PDPR: variants seen among roughly 807,000 people sequenced by gnomAD.
The protein encoded by PDPR is pyruvate dehydrogenase phosphatase regulatory subunit.
Under a neutral mutation model 102.2 loss-of-function variants are expected in PDPR, and 50 were observed. The ratio of observed to expected loss-of-function variants is 0.49; its 90% confidence interval spans 0.39 to 0.62. PDPR has a LOEUF of 0.62. Among genes scored for constraint, PDPR ranks in the 20% least tolerant of loss-of-function variants. The pLI is 0.00. For missense variants in PDPR, 625 were observed against 1,098.2 expected (o/e 0.57, Z 6.09); for synonymous variants, 259 against 406.0 (o/e 0.64, Z 4.35).
chr16:70,127,844 C>T (rs1964131181), intron 4 of PDPR, among the ~76,000 whole-genome samples: 1 of 152,194 alleles, frequency 6.6e-6, no homozygotes. Flanking sequence ...GGAGCTTGGG[C>T]CTGTGGAGTT....
At chr16:70,119,531 TC>T (rs1206749905) in intron 2 of PDPR, among the ~76,000 whole-genome samples, 3 of 148,922 alleles carry the variant, frequency 2.0e-5, no homozygotes, top group African/African-American at 7.6e-5. Flanking sequence ...CTCCCCACAC[TC>T]CCCGTGTCGT....
At chr16:70,128,732 C>A in intron 4 of PDPR, 52 bp from the exon 5 acceptor site, 2 of 1,613,432 alleles carry the variant, frequency 1.2e-6, no homozygotes, top group Non-Finnish European at 1.7e-6. Context: ...TTTCCACTCT[C>A]CTGTCCTACA....
chr16:70,117,807 A>G (rs553920610), intron 2 of PDPR, among the ~76,000 whole-genome samples: 4 of 152,036 alleles, frequency 2.6e-5, no homozygotes, highest in Non-Finnish European at 5.9e-5. Flanking sequence ...TCAGAAAGTC[A>G]TTAAGGTGGG....
Position 70,145,565 on chromosome 16 carries a change from C to T in PDPR, c.1868-569C>T, listed in dbSNP as rs1227954084. 3.3e-5 allele frequency among the ~76,000 whole-genome samples: 5 copies of T among 152,250 alleles called. No homozygotes were observed. The South Asian group carries it at 6.2e-4, about 19-fold the overall frequency. On this transcript the variant is annotated intron_variant, in intron 15 of 18. Coordinates refer to ENST00000288050, the MANE Select transcript of PDPR (RefSeq NM_017990.5). ...CTTGGCCCCACCAGCGTTTGCTCTC[C>T]CAGGCTCTCATTCTCAATTCCTTGT...
At chr16:70,121,766 CTTT>C (rs1240965083) in intron 3 of PDPR, among the ~76,000 whole-genome samples, 4 of 146,590 alleles carry the variant, frequency 2.7e-5, no homozygotes, top group Non-Finnish European at 3.0e-5. Context: ...TTCTTATTCC[CTTT>C]TTTTTTTTTT....
chr16:70,116,361 G>A (rs1376286532), intron 2 of PDPR, among the ~76,000 whole-genome samples: 1 of 141,446 alleles, frequency 7.1e-6, no homozygotes, highest in East Asian at 2.1e-4. Flanking sequence ...ACAGGTGTGA[G>A]CCCCTGCGCC....
chr16:70,129,409 A>G (rs1471214923), intron 6 of PDPR, among the ~76,000 whole-genome samples: 2 of 152,396 alleles, frequency 1.3e-5, no homozygotes, highest in East Asian at 3.9e-4. Flanking sequence ...CAATGGCACA[A>G]TCTTGGCTCA....
At chr16:70,120,940 T>C (rs1164274946) in intron 3 of PDPR, among the ~76,000 whole-genome samples, 1 of 141,116 alleles carries the variant, frequency 7.1e-6, no homozygotes, top group Non-Finnish European at 1.5e-5. Flanking sequence ...CCTTTTTTTT[T>C]TTTTTTTTTT....
intron 10 of PDPR, among the ~76,000 whole-genome samples, chr16:70,137,343 G>A (rs753918822): frequency 1.2e-4 from 18 of 152,196 alleles, no homozygotes; most frequent in South Asian, 2.1e-4. Context: ...GCAACAGAGC[G>A]AGACTCTATC....
chr16:70,161,839 A>G lies in PDPR; in HGVS notation c.*4960A>G, dbSNP rs934459688. ...TTCATGAGCCATTTTTCTCATTCTTAGATGCACCTGTTTTTATCCTTTGCA... is the reference window on the plus strand; with the variant it reads ...TTCATGAGCCATTTTTCTCATTCTTGGATGCACCTGTTTTTATCCTTTGCA... On this transcript the variant is annotated 3_prime_UTR_variant, in exon 19 of 19. Transcript: ENST00000288050. 1.3e-5 allele frequency: 2 copies of G among 152,396 alleles called. No homozygotes were observed. The allele number at this position is 152,396 out of a possible 1,614,324, so 9.4% of individuals were successfully genotyped here. A position where few individuals can be genotyped will look rare whatever the true frequency, so the allele number is the denominator to read the frequency against.
intron 10 of PDPR, among the ~76,000 whole-genome samples, chr16:70,137,740 G>T (rs1398634733): frequency 6.6e-6 from 1 of 152,284 alleles, no homozygotes; most frequent in African/African-American, 2.4e-5. Flanking sequence ...AGTTACAGAA[G>T]AGGAGTTAGA....
intron 16 of PDPR, chr16:70,147,404 C>T (rs564539690): frequency 0.013 from 4,875 of 375,262 alleles, 42 homozygotes; most frequent in African/African-American, 0.098. Flanking sequence ...AAATGCCTTT[C>T]GAAGTTAGGT....
At chr16:70,152,559 C>G (rs1324879235) in intron 17 of PDPR, among the ~76,000 whole-genome samples, 2 of 152,260 alleles carry the variant, frequency 1.3e-5, no homozygotes, top group Admixed American at 6.5e-5. Flanking sequence ...TCATAGTGGT[C>G]TGTTTGGTAG....
chr16:70,153,940 G>A (rs534155443), intron 18 of PDPR, among the ~76,000 whole-genome samples: 32 of 152,390 alleles, frequency 2.1e-4, no homozygotes, highest in Non-Finnish European at 4.7e-4. Context: ...AACACTTTGG[G>A]AGGCCAAGGC....
At chr16:70,152,469 G>T (rs1392332830) in intron 17 of PDPR, among the ~76,000 whole-genome samples, 1 of 152,276 alleles carries the variant, frequency 6.6e-6, no homozygotes, top group African/African-American at 2.4e-5. Context: ...AGTGAGCCGA[G>T]ATCGCGCCAC....
intron 18 of PDPR, 34 bp downstream of exon 18, chr16:70,153,607 G>C (rs1436938300): frequency 2.6e-6 from 4 of 1,555,264 alleles, no homozygotes; most frequent in Non-Finnish European, 2.6e-6. Context: ...CTTTCACTCA[G>C]CATCCCGAGT....
At chr16:70,125,180 C>G (rs577157297) in intron 3 of PDPR, among the ~76,000 whole-genome samples, 148 of 152,242 alleles carry the variant, frequency 9.7e-4, no homozygotes, top group African/African-American at 3.4e-3. Context: ...AATTCGAAAC[C>G]AGCCTGGCCA....
intron 9 of PDPR, among the ~76,000 whole-genome samples, chr16:70,135,869 A>G (rs529640614): frequency 6.6e-6 from 1 of 152,350 alleles, no homozygotes. Flanking sequence ...AGAGTTCGAA[A>G]CTAGTGTGGC....
At chr16:70,116,448 C>A (rs547110387) in intron 2 of PDPR, among the ~76,000 whole-genome samples, 1 of 149,458 alleles carries the variant, frequency 6.7e-6, no homozygotes, top group African/African-American at 2.5e-5. Context: ...AGCATAATCT[C>A]GGCTCACTGC....
Sources: gnomAD v4.1 joint callset for allele counts (sites outside exome capture counted in the v4.1 genomes callset) on GRCh38, gnomAD v4.1.1 for gene constraint, MANE v1.5 for transcripts, NCBI Gene and HGNC (gene_info 2026-07-23, HGNC 2026-07-21) for gene names.